LANCL3: variants seen among roughly 807,000 people sequenced by gnomAD.
The protein encoded by LANCL3 is LanC like family member 3.
LANCL3 carries 19 observed loss-of-function variants against 26.5 expected under a neutral mutation model. The observed-to-expected ratio is 0.72, with a 90% confidence interval of 0.50 to 1.05. LANCL3 has a LOEUF of 1.05. Among genes scored for constraint, LANCL3 ranks in the 50% least tolerant of loss-of-function variants. The probability of loss-of-function intolerance (pLI) is 0.00; values close to 1 mark genes in which losing one functional copy is unlikely to be tolerated. For missense variants in LANCL3, 318 were observed against 362.7 expected (o/e 0.88, Z 1.00); for synonymous variants, 160 against 166.6 (o/e 0.96, Z 0.30).
At chrX:37,668,270 TATATATCCTAGTTATATATATAA>T (rs1271768841) in intron 4 of LANCL3, 217 of 159,368 alleles carry the variant, frequency 1.4e-3, no homozygotes, top group African/African-American at 7.0e-3. Flanking sequence ...TATATATATA[TATATATCCTAGTTATATATATAA>T]ATATATATAT....
chrX:37,667,607 T>A, intron 4 of LANCL3, 118 bp downstream of exon 4: 1 of 521,677 alleles, frequency 1.9e-6, no homozygotes, highest in Non-Finnish European at 2.8e-6. Context: ...CAACTGTGCC[T>A]TGTAGCCATG....
intron 1 of LANCL3, among the ~76,000 whole-genome samples, chrX:37,607,218 T>C (rs1924743310): frequency 8.9e-6 from 1 of 112,676 alleles, no homozygotes. Flanking sequence ...CCTTCTTCTC[T>C]TTCTACTTCC....
At position 37,677,138 on chromosome X, in the gene LANCL3, A is replaced by ATATGTGTGTGTG. The variant is rs879992565; in HGVS notation, c.*1326_*1327insATGTGTGTGTGT. 1 of 99,465 alleles carries ATATGTGTGTGTG rather than the reference A, an allele frequency of 1.0e-5. No individual in the cohort carries two copies. The highest frequency in any genetic ancestry group is 2.0e-5 in the Non-Finnish European group (1 of 49,474). 8.2% of individuals were successfully genotyped at this position (99,465 alleles called of 1,213,427 possible). On this transcript the variant is annotated 3_prime_UTR_variant, in exon 5 of 5. Transcript: ENST00000378619. The stretch of plus-strand genomic sequence containing the variant: ...TAGTCATTAAATATTTGGATATATT[A>ATATGTGTGTGTG]TGTGTGTGTGTGTGTGTGTGTGTGT...
In LANCL3 at chrX:37,572,057, G is replaced by C. The variant is rs199602933; in HGVS notation, c.187G>C (p.Gly63Arg). Residue 63 changes from glycine (G) to arginine (R), a missense_variant, in exon 1 of 5, where the codon GGG (glycine) becomes CGG (arginine). By Grantham distance (125) the Gly-to-Arg change is moderately radical. Transcript: ENST00000378619. ...GACGGCGGGGGCTAGCGCCTGCCAG[G>C]GGGGGCTTTATGGCGGCGTGGCCGG... ...GATAGASACQ[G>R]GLYGGVAGVA... The C allele has an allele frequency of 1.7e-6, 2 of 1,182,713 alleles. No individual in the cohort carries two copies. Among genetic ancestry groups the C allele is most frequent in the Admixed American group, 2.3e-5 (1 of 43,404 alleles).
At chrX:37,588,223 G>C (rs1924162149) in intron 1 of LANCL3, among the ~76,000 whole-genome samples, 2 of 111,677 alleles carry the variant, frequency 1.8e-5, no homozygotes, top group Admixed American at 1.9e-4. Flanking sequence ...GTGATTGGCT[G>C]CAACACAATA....
intron 1 of LANCL3, among the ~76,000 whole-genome samples, chrX:37,640,320 G>A (rs1925830951): frequency 9.0e-6 from 1 of 111,464 alleles, no homozygotes; most frequent in Admixed American, 9.5e-5. Context: ...ATGGCGGCAG[G>A]AGAGAGAGCA....
intron 1 of LANCL3, among the ~76,000 whole-genome samples, chrX:37,592,352 T>G (rs1464481844): frequency 8.9e-6 from 1 of 112,541 alleles, no homozygotes; most frequent in Non-Finnish European, 1.9e-5. Flanking sequence ...GCCAGTGAAC[T>G]TTTTAGGATG....
chrX:37,647,300 CA>C (rs1269958213), intron 1 of LANCL3, among the ~76,000 whole-genome samples: 19 of 99,223 alleles, frequency 1.9e-4, no homozygotes, highest in African/African-American at 7.3e-4. Context: ...GGCGACAGGG[CA>C]AGACTTCATC....
At chrX:37,635,489 T>C (rs958687976) in intron 1 of LANCL3, among the ~76,000 whole-genome samples, 4 of 111,806 alleles carry the variant, frequency 3.6e-5, no homozygotes, top group Non-Finnish European at 5.6e-5. Flanking sequence ...ATGTGTATAA[T>C]AAAATATTTA....
chrX:37,572,031 C>G lies in LANCL3; in HGVS notation c.161C>G (p.Ala54Gly), dbSNP rs782173207. 5.1e-6 allele frequency: 6 copies of G among 1,182,694 alleles called. No homozygotes were observed. In the South Asian group the frequency reaches 5.5e-5, roughly 11 times the overall value. Residue 54 changes from alanine to glycine, a missense_variant, in exon 1 of 5, where the codon GCG becomes GGG. Transcript: ENST00000378619. ...PLGGGAEARG[A>G]TAGASACQGG... ...GGGGGCGGCGCGGAGGCCCGAGGGGCGACGGCGGGGGCTAGCGCCTGCCAG... is the reference window on the plus strand; with the variant it reads ...GGGGGCGGCGCGGAGGCCCGAGGGGGGACGGCGGGGGCTAGCGCCTGCCAG...
intron 1 of LANCL3, among the ~76,000 whole-genome samples, chrX:37,583,088 T>G (rs1556417294): frequency 8.9e-6 from 1 of 111,948 alleles, no homozygotes; most frequent in African/African-American, 3.3e-5. Context: ...TTTCCCCATT[T>G]CTTGTTTTTG....
At position 37,571,858 on chromosome X, in the gene LANCL3, C is replaced by G. The variant is rs782651338; in HGVS notation, c.-13C>G. ...CGGTCCTCAGCTCCGCACTAGGGGG[C>G]ACGGGCAACAGCATGGACACCAAGC... On this transcript the variant is annotated 5_prime_UTR_variant, in exon 1 of 5. Transcript: ENST00000378619. 2.4e-5 allele frequency: 29 copies of G among 1,189,914 alleles called. No homozygotes were observed. The highest frequency in any genetic ancestry group is 3.3e-5 in the Non-Finnish European group (29 of 883,262).
At chrX:37,634,349 C>T (rs1239562566) in intron 1 of LANCL3, among the ~76,000 whole-genome samples, 2 of 113,026 alleles carry the variant, frequency 1.8e-5, no homozygotes, top group African/African-American at 3.2e-5. Context: ...TCTGTTACCC[C>T]TTTCTTTGAC....
intron 1 of LANCL3, among the ~76,000 whole-genome samples, chrX:37,632,585 C>T (rs1335259794): frequency 8.9e-6 from 1 of 111,971 alleles, no homozygotes; most frequent in Non-Finnish European, 1.9e-5. Flanking sequence ...TTTGCAGTGG[C>T]TGGTGCCAGT....
chrX:37,593,470 G>A (rs1310921655), intron 1 of LANCL3, among the ~76,000 whole-genome samples: 1 of 112,006 alleles, frequency 8.9e-6, no homozygotes. Context: ...TAAAGAAATA[G>A]TTGTATAAGG....
Position 37,681,875 on chromosome X carries a change from T to A in LANCL3, c.*6062T>A, listed in dbSNP as rs1926942392. ...TGTTCTAGAACAACCACCTCCTAAA[T>A]TGAAACCAACAGATGGCTTTAAAGT... is the stretch of plus-strand genomic sequence containing the variant. On this transcript the variant is annotated 3_prime_UTR_variant, in exon 5 of 5. Transcript: ENST00000378619. 9.0e-6 allele frequency: 1 copy of A among 111,212 alleles called. No homozygotes were observed. Among genetic ancestry groups the A allele is most frequent in the African/African-American group, 3.3e-5 (1 of 30,567 alleles). The allele number at this position is 111,212 out of a possible 1,213,427, so 9.2% of individuals were successfully genotyped here. A position where few individuals can be genotyped will look rare whatever the true frequency, so the allele number is the denominator to read the frequency against.
rs182556163 is a variant in LANCL3 at position 37,597,085 on chromosome X, T to C, written c.573+24642T>C. ...GGCATTTAATACAAATGGAATAATA[T>C]AATATATGGTCTTTGGTGACTGGCT... On this transcript the variant is annotated intron_variant, in intron 1 of 4. Coordinates refer to ENST00000378619, the MANE Select transcript of LANCL3 (RefSeq NM_001170331.2). 3.0e-3 allele frequency among the ~76,000 whole-genome samples: 335 copies of C among 112,310 alleles called. 2 individuals are homozygous for C. The highest frequency in any genetic ancestry group is 9.2e-3 in the Middle Eastern group (2 of 218).
chrX:37,639,660 C>T (rs183861215), intron 1 of LANCL3, among the ~76,000 whole-genome samples: 1 of 111,418 alleles, frequency 9.0e-6, no homozygotes, highest in East Asian at 2.8e-4. Flanking sequence ...TTCTAACCAC[C>T]TGTGCTATTT....
At chrX:37,635,731 C>T (rs1267110389) in intron 1 of LANCL3, among the ~76,000 whole-genome samples, 1 of 110,624 alleles carries the variant, frequency 9.0e-6, no homozygotes, top group East Asian at 2.8e-4. Context: ...TTACCCTGAT[C>T]TGATAACTAT....
Sources: gnomAD v4.1 joint callset for allele counts (sites outside exome capture counted in the v4.1 genomes callset) on GRCh38, gnomAD v4.1.1 for gene constraint, MANE v1.5 for transcripts, NCBI Gene and HGNC (gene_info 2026-07-23, HGNC 2026-07-21) for gene names.